Variants in SNX25 observed in about 807,000 individuals in gnomAD.
SNX25 encodes the protein sorting nexin 25.
SNX25 carries 62 observed loss-of-function variants against 113.7 expected under a neutral mutation model. That is an observed-to-expected ratio of 0.55 (90% CI 0.44 to 0.67). The LOEUF (loss-of-function observed/expected upper bound fraction) is 0.67, where lower values mean the gene tolerates loss of function less well. Ranked by LOEUF, SNX25 falls within the 30% of genes least tolerant of loss-of-function variation. The pLI, the probability that SNX25 is intolerant of heterozygous loss-of-function variation, is 0.00. For synonymous variants in SNX25, 421 were observed against 436.2 expected (o/e 0.97, Z 0.43); for missense variants, 1,014 against 1,161.0 (o/e 0.87, Z 1.84).
At chr4:185,290,594 C>T (rs919023368) in intron 6 of SNX25, among the ~76,000 whole-genome samples, 2 of 152,160 alleles carry the variant, frequency 1.3e-5, no homozygotes, top group Admixed American at 6.5e-5. Flanking sequence ...TAAACTCTTA[C>T]GTGCTTTGTG....
At chr4:185,263,767 C>T (rs1452339166) in intron 3 of SNX25, among the ~76,000 whole-genome samples, 2 of 152,106 alleles carry the variant, frequency 1.3e-5, no homozygotes, top group African/African-American at 4.8e-5. Context: ...ACGCAGCATC[C>T]CAGGCTTTCT....
chr4:185,254,621 C>G (rs1028701975), intron 2 of SNX25, among the ~76,000 whole-genome samples: 1 of 152,162 alleles, frequency 6.6e-6, no homozygotes, highest in Non-Finnish European at 1.5e-5. Context: ...AACGCGGGAG[C>G]CTTTTAACTT....
chr4:185,376,767 C>A, the SNX25 span: 1 of 611,912 alleles, frequency 1.6e-6, no homozygotes. Context: ...CTGTATCCTA[C>A]TGTTAAAGCC....
At chr4:185,374,173 G>C (rs1187546560), downstream of SNX25, 2 of 1,614,086 alleles carry the variant, frequency 1.2e-6, no homozygotes. Context: ...GAGTAATACA[G>C]CCCGAGCATA....
chr4:185,212,566 A>G (rs1738119786), intron 1 of SNX25, among the ~76,000 whole-genome samples: 1 of 145,164 alleles, frequency 6.9e-6, no homozygotes, highest in Non-Finnish European at 1.5e-5. Flanking sequence ...GTTTTTGTAG[A>G]GACAGGGTCC....
chr4:185,342,301 A>G (rs865867781), intron 12 of SNX25, among the ~76,000 whole-genome samples, 185 bp downstream of exon 12: 2 of 152,222 alleles, frequency 1.3e-5, no homozygotes, highest in African/African-American at 4.8e-5. Flanking sequence ...GTCCATCAGG[A>G]CAGATAACGG....
At chr4:185,338,399 CTGAG>C (rs1200580181) in intron 10 of SNX25, among the ~76,000 whole-genome samples, 3 of 151,916 alleles carry the variant, frequency 2.0e-5, no homozygotes, top group Non-Finnish European at 4.4e-5. Flanking sequence ...CCTTAGCCTC[CTGAG>C]TAACTGGGAT....
At chr4:185,377,212 T>C in the SNX25 span, 1 of 555,922 alleles carries the variant, frequency 1.8e-6, no homozygotes. Context: ...CCTAACACTG[T>C]GCCTTGTGTA....
intron 1 of SNX25, among the ~76,000 whole-genome samples, chr4:185,222,293 A>T (rs1277180200): frequency 6.7e-6 from 1 of 149,766 alleles, no homozygotes. Context: ...GTAGGTATAC[A>T]GCACCATATA....
At chr4:185,205,552 C>T (rs1737150602), upstream of SNX25, among the ~76,000 whole-genome samples, 1 of 151,956 alleles carries the variant, frequency 6.6e-6, no homozygotes, top group Admixed American at 6.6e-5. Flanking sequence ...GTGGTTGGCC[C>T]GGCGCGGTGG....
At chr4:185,316,530 C>A (rs922208895) in intron 7 of SNX25, among the ~76,000 whole-genome samples, 2 of 152,112 alleles carry the variant, frequency 1.3e-5, no homozygotes, top group South Asian at 4.1e-4. Context: ...GCACCCCCCA[C>A]ACCAGTGGCC....
chr4:185,242,237 T>G (rs1236745942), intron 1 of SNX25, among the ~76,000 whole-genome samples: 1 of 152,192 alleles, frequency 6.6e-6, no homozygotes. Context: ...TGTGACCAAA[T>G]GTGTGGGGTT....
chr4:185,286,732 CG>C (rs1751401571), intron 5 of SNX25, among the ~76,000 whole-genome samples: 1 of 152,160 alleles, frequency 6.6e-6, no homozygotes, highest in Non-Finnish European at 1.5e-5. Context: ...GGCAGGCAGC[CG>C]GCAGTGTCTG....
chr4:185,275,514 T>C (rs1353620105), intron 5 of SNX25, among the ~76,000 whole-genome samples: 1 of 152,202 alleles, frequency 6.6e-6, no homozygotes, highest in Admixed American at 6.5e-5. Context: ...TATTTTCTCT[T>C]TAGCTATTAA....
chr4:185,339,579 G>T (rs554894192), intron 11 of SNX25, 69 bp downstream of exon 11: 1 of 1,538,216 alleles, frequency 6.5e-7, no homozygotes, highest in African/African-American at 1.4e-5. Context: ...ATTTTATCCT[G>T]AAGAATGAAG....
upstream of SNX25, among the ~76,000 whole-genome samples, chr4:185,206,367 G>A (rs1737186775): frequency 6.6e-6 from 1 of 152,154 alleles, no homozygotes; most frequent in Non-Finnish European, 1.5e-5. Context: ...TGGTCTGCAG[G>A]ACAGACAGAA....
chr4:185,218,199 C>T lies in SNX25; in HGVS notation c.429+7944C>T, dbSNP rs373153890. Reference sequence around the variant, plus strand: ...TCCCGGGTTCAAGTGATTCTCCTGCCTCAGCCTCCCAAGTAGCTGGGATTA... The same window carrying T: ...TCCCGGGTTCAAGTGATTCTCCTGCTTCAGCCTCCCAAGTAGCTGGGATTA... On this transcript the variant is annotated intron_variant, in intron 1 of 18. Transcript: ENST00000652585. Among the ~76,000 whole-genome samples the T allele has an allele frequency of 1.8e-3, 280 of 152,342 alleles. 3 individuals are homozygous for T. The highest frequency in any genetic ancestry group is 6.3e-3 in the African/African-American group (264 of 41,584).
chr4:185,314,656 G>A (rs1681602074), intron 7 of SNX25, among the ~76,000 whole-genome samples: 1 of 151,054 alleles, frequency 6.6e-6, no homozygotes, highest in African/African-American at 2.4e-5. Context: ...TCAAGAGATC[G>A]AGACCATCCT....
intron 3 of SNX25, among the ~76,000 whole-genome samples, chr4:185,261,375 C>G (rs1747319293): frequency 6.6e-6 from 1 of 151,998 alleles, no homozygotes; most frequent in Non-Finnish European, 1.5e-5. Context: ...TGGGGTTTCA[C>G]CATGTTGGCC....
Sources: allele counts gnomAD v4.1 joint callset (sites outside exome capture counted in the v4.1 genomes callset), GRCh38; gene constraint gnomAD v4.1.1; transcripts MANE v1.5; gene names NCBI Gene and HGNC (gene_info 2026-07-23, HGNC 2026-07-21).